The following TAPBPL variants were observed in gnomAD, a reference collection of about 807,000 sequenced individuals.
TAPBPL encodes the protein TAP binding protein like, also known as tapasin-related protein.
Under a neutral mutation model 44.8 loss-of-function variants are expected in TAPBPL, and 32 were observed. That is an observed-to-expected ratio of 0.71 (90% CI 0.54 to 0.96). The LOEUF (loss-of-function observed/expected upper bound fraction) is 0.96, where lower values mean the gene tolerates loss of function less well. Ranked by LOEUF, TAPBPL falls within the 40% of genes least tolerant of loss-of-function variation. The pLI is 0.00. For missense variants in TAPBPL, 520 were observed against 586.6 expected (o/e 0.89, Z 1.17); for synonymous variants, 230 against 240.7 (o/e 0.96, Z 0.41).
chr12:6,457,345 G>A (rs1949726581), intron 3 of TAPBPL, 61 bp from the exon 4 acceptor site: 13 of 1,521,530 alleles, frequency 8.5e-6, no homozygotes, highest in Non-Finnish European at 9.8e-6. Context: ...CCACAGCTTG[G>A]AGATCAGGTG....
chr12:6,467,224 CA>C, downstream of TAPBPL: 1 of 161,120 alleles, frequency 6.2e-6, no homozygotes, highest in South Asian at 1.9e-4. Flanking sequence ...AAAAGATACC[CA>C]AAAATGTGGA....
At chr12:6,461,363 C>A in intron 6 of TAPBPL, 1 of 1,018,800 alleles carries the variant, frequency 9.8e-7, no homozygotes, top group Non-Finnish European at 1.2e-6. Context: ...GCAGAATGTC[C>A]AGATGGAGGA....
In TAPBPL at chr12:6,458,882, C is replaced by A; in HGVS notation, c.1142C>A (p.Thr381Asn). The A allele has an allele frequency of 1.2e-6, 2 of 1,614,182 alleles. No individual in the cohort carries two copies. The highest frequency in any genetic ancestry group is 1.7e-6 in the Non-Finnish European group (2 of 1,180,044). Residue 381 changes from threonine to asparagine, a missense_variant, in exon 5 of 7, where the codon ACC becomes AAC. Physicochemically the swap from Thr to Asn is moderately conservative, Grantham distance 65 (BLOSUM62 0). Coordinates refer to ENST00000266556, the MANE Select transcript of TAPBPL (RefSeq NM_018009.5). ...AEPGSAGATY[T>N]CQVTHISLEE... ...CCTGGCTCTGCAGGTGCCACTTACA[C>A]CTGCCAGGTCACACACATCTCTCTG...
chr12:6,465,432 GTATATATA>G (rs1240153746), downstream of TAPBPL: 351 of 117,896 alleles, frequency 3.0e-3, 17 homozygotes, highest in African/African-American at 0.012. Flanking sequence ...ATATATAAAT[GTATATATA>G]TGTATATATA....
chr12:6,464,929 G>C, downstream of TAPBPL: 1 of 1,613,858 alleles, frequency 6.2e-7, no homozygotes, highest in Non-Finnish European at 8.5e-7. Context: ...ATGGCTCCCA[G>C]CATGATCATC....
chr12:6,454,497 G>A (rs1949655618), intron 3 of TAPBPL, among the ~76,000 whole-genome samples: 1 of 152,088 alleles, frequency 6.6e-6, no homozygotes, highest in Admixed American at 6.6e-5. Context: ...AAAACCCTGA[G>A]TCCACAAGAG....
chr12:6,468,101 C>T (rs1343390444), downstream of TAPBPL, among the ~76,000 whole-genome samples: 13 of 152,212 alleles, frequency 8.5e-5, no homozygotes, highest in Admixed American at 8.5e-4. Flanking sequence ...TGGAACACTG[C>T]CTAGTGGAGC....
At chr12:6,471,587 G>C in the TAPBPL span, among the ~76,000 whole-genome samples, 1 of 152,162 alleles carries the variant, frequency 6.6e-6, no homozygotes, top group Non-Finnish European at 1.5e-5. This position sits in a 1 kb window ranked among gnomAD's most constrained non-coding sequence, Gnocchi z 4.0. Context: ...CAGCACTTTG[G>C]GAGGCCGAGT....
At chr12:6,463,507 A>G (rs1288133751), downstream of TAPBPL, 1 of 1,039,542 alleles carries the variant, frequency 9.6e-7, no homozygotes, top group African/African-American at 1.7e-5. This position sits in a 1 kb window ranked among gnomAD's most constrained non-coding sequence, Gnocchi z 4.0. Flanking sequence ...ATCAACAGGA[A>G]GAGAGGAACA....
At chr12:6,452,520 A>G (rs1949580915) in intron 1 of TAPBPL, 3 of 1,424,352 alleles carry the variant, frequency 2.1e-6, no homozygotes, top group Admixed American at 5.9e-5. Flanking sequence ...GGAAAATGCT[A>G]AAGAGGGGCT....
Position 6,457,729 on chromosome 12 carries a change from C to A in TAPBPL, c.889C>A (p.Gln297Lys). The stretch of plus-strand genomic sequence containing the variant: ...TCTGTACCGAGCTCAGCAGATCATC[C>A]AGCTCAACATCCAAGGTGAGGCCAG... ...TSLYRAQQIIQLNIQASPKVR... is the reference protein window; with the variant it reads ...TSLYRAQQIIKLNIQASPKVR... Residue 297 changes from glutamine (Q) to lysine (K), a missense_variant, in exon 4 of 7, where the codon CAG (glutamine) becomes AAG (lysine). By Grantham distance (53) the Gln-to-Lys change is moderately conservative (BLOSUM62 1). Transcript: ENST00000266556. 1 of 1,587,208 alleles carries A rather than the reference C, an allele frequency of 6.3e-7. No homozygotes were observed. Among genetic ancestry groups the A allele is most frequent in the Non-Finnish European group, 8.6e-7 (1 of 1,161,148 alleles).
At chr12:6,470,655 G>C (rs894432064), downstream of TAPBPL, 16 of 1,292,232 alleles carry the variant, frequency 1.2e-5, no homozygotes, top group African/African-American at 1.9e-4. Flanking sequence ...CTACCCCGCG[G>C]TCTAGCTGCG....
At chr12:6,463,824 GGCCTCTGGAGAAC>G (rs1949938643), downstream of TAPBPL, 6 of 1,217,854 alleles carry the variant, frequency 4.9e-6, no homozygotes, top group South Asian at 7.3e-5. The surrounding 1 kb of genome is among the most constrained non-coding windows in gnomAD (Gnocchi z 4.0). Context: ...GTGTTCTCCA[GGCCTCTGGAGAAC>G]AAAGTAAAGT....
intron 5 of TAPBPL, 91 bp downstream of exon 5, chr12:6,459,038 T>C: frequency 7.0e-7 from 1 of 1,425,384 alleles, no homozygotes; most frequent in Non-Finnish European, 9.4e-7. Context: ...CTGCTGCCCA[T>C]CCACTTTGTT....
chr12:6,464,762 G>T, downstream of TAPBPL: 1 of 1,535,288 alleles, frequency 6.5e-7, no homozygotes, highest in South Asian at 1.3e-5. Flanking sequence ...ACCAGGTGAC[G>T]ATCCCATAGC....
intron 5 of TAPBPL, among the ~76,000 whole-genome samples, chr12:6,459,837 C>A (rs1949801811): frequency 6.6e-6 from 1 of 151,778 alleles, no homozygotes; most frequent in African/African-American, 2.4e-5. Flanking sequence ...GTGGTATGAT[C>A]TCAGCTCACT....
downstream of TAPBPL, chr12:6,464,171 C>A: frequency 6.9e-7 from 1 of 1,443,048 alleles, no homozygotes; most frequent in Non-Finnish European, 9.2e-7. Context: ...CTCCCTGCCC[C>A]TTCCCTTGGC....
At chr12:6,464,209 C>G (rs1949947294), downstream of TAPBPL, 2 of 1,491,732 alleles carry the variant, frequency 1.3e-6, no homozygotes, top group Non-Finnish European at 1.8e-6. Context: ...TTTGGGGGAA[C>G]TTGAGAGTAC....
At chr12:6,457,382 T>C in intron 3 of TAPBPL, 24 bp from the exon 4 acceptor site, 1 of 1,596,590 alleles carries the variant, frequency 6.3e-7, no homozygotes, top group Non-Finnish European at 8.6e-7. Context: ...AGCCCACAAA[T>C]CACCCCTCTT....
Sources: allele counts gnomAD v4.1 joint callset (sites outside exome capture counted in the v4.1 genomes callset), GRCh38; gene constraint gnomAD v4.1.1; non-coding constraint Gnocchi (gnomAD v3.1); transcripts MANE v1.5; gene names NCBI Gene and HGNC (gene_info 2026-07-23, HGNC 2026-07-21).